ZFAND6: variants seen among roughly 807,000 people sequenced by gnomAD.
ZFAND6 encodes the protein zinc finger AN1-type containing 6.
In ZFAND6, 12 loss-of-function variants were observed where a neutral mutation model predicts 24.5. The ratio of observed to expected loss-of-function variants is 0.49; its 90% CI spans 0.31 to 0.79. The LOEUF (loss-of-function observed/expected upper bound fraction) is 0.79. Ranked by LOEUF, ZFAND6 falls within the 30% of genes least tolerant of loss-of-function variation. The pLI is 0.04. For missense variants in ZFAND6, 207 were observed against 245.9 expected (o/e 0.84, Z 1.06); for synonymous variants, 92 against 81.5 (o/e 1.13, Z -0.69).
At chr15:80,103,811 A>C (rs944198014) in intron 2 of ZFAND6, among the ~76,000 whole-genome samples, 1 of 152,194 alleles carries the variant, frequency 6.6e-6, no homozygotes, top group African/African-American at 2.4e-5. Flanking sequence ...TTTATGAAGG[A>C]TTGCCTAAAT....
intron 2 of ZFAND6, among the ~76,000 whole-genome samples, chr15:80,103,339 A>G (rs2039135582): frequency 6.6e-6 from 1 of 152,210 alleles, no homozygotes; most frequent in Non-Finnish European, 1.5e-5. Flanking sequence ...ACTCTAATAC[A>G]TACCTAATTG....
chr15:80,076,511 T>C (rs1008555550), intron 1 of ZFAND6, among the ~76,000 whole-genome samples: 4 of 152,194 alleles, frequency 2.6e-5, no homozygotes, highest in African/African-American at 9.6e-5. Flanking sequence ...TGCGGTCATA[T>C]CTGTTTTTCT....
chr15:80,120,618 A>G, intron 3 of ZFAND6, 120 bp downstream of exon 3: 1 of 828,964 alleles, frequency 1.2e-6, no homozygotes, highest in Non-Finnish European at 1.6e-6. Flanking sequence ...TCATATCAGT[A>G]AAATTTCTCA....
At chr15:80,062,148 A>C (rs932396661) in intron 1 of ZFAND6, among the ~76,000 whole-genome samples, 4 of 152,150 alleles carry the variant, frequency 2.6e-5, no homozygotes, top group African/African-American at 9.7e-5. Context: ...CCTCCCCTCT[A>C]ATCTCTAGCA....
intron 1 of ZFAND6, among the ~76,000 whole-genome samples, chr15:80,062,521 TTA>T (rs563960861): frequency 9.9e-4 from 151 of 152,320 alleles, no homozygotes; most frequent in African/African-American, 3.5e-3. Context: ...AGGTGTGTTT[TTA>T]TGTGTTTCAT....
intron 1 of ZFAND6, among the ~76,000 whole-genome samples, chr15:80,093,114 C>G (rs2038487972): frequency 6.6e-6 from 1 of 151,716 alleles, no homozygotes; most frequent in Non-Finnish European, 1.5e-5. Context: ...GCTACCATGC[C>G]CAGCTAATTT....
chr15:80,132,812 T>TA (rs2040669290), intron 6 of ZFAND6, among the ~76,000 whole-genome samples: 1 of 152,146 alleles, frequency 6.6e-6, no homozygotes. Context: ...AGTCTGACAT[T>TA]ACAAGAAAAA....
intron 6 of ZFAND6, among the ~76,000 whole-genome samples, chr15:80,131,980 G>T (rs1272899082): frequency 6.6e-6 from 1 of 152,186 alleles, no homozygotes; most frequent in African/African-American, 2.4e-5. Context: ...GGAAATAGGG[G>T]CATTTCAGGC....
rs114347176 is a variant in ZFAND6, at chr15:80,122,132, C to T, written c.263+312C>T. On this transcript the variant is annotated intron_variant, in intron 4 of 6. Transcript: ENST00000261749. ...AGTCTTATTCTGCAAGTATTACTAC[C>T]GTGTATTAAAAAAATACAGTCTTGT... Among the ~76,000 whole-genome samples, 1,068 of 151,898 alleles carry T rather than the reference C, an allele frequency of 7.0e-3. 13 individuals carry two copies. The highest frequency in any genetic ancestry group is 0.024 in the African/African-American group (988 of 41,410).
chr15:80,131,137 C>A, intron 5 of ZFAND6, 43 bp from the exon 6 acceptor site: 3 of 1,469,606 alleles, frequency 2.0e-6, no homozygotes, highest in Non-Finnish European at 2.8e-6. Flanking sequence ...ATAGCAAAAT[C>A]TTACAGAATA....
At chr15:80,113,339 A>C (rs1361406073) in intron 2 of ZFAND6, among the ~76,000 whole-genome samples, 1 of 152,192 alleles carries the variant, frequency 6.6e-6, no homozygotes, top group Non-Finnish European at 1.5e-5. Flanking sequence ...ACATTCCCCA[A>C]TTTTTGAATG....
chr15:80,131,277 G>A lies in ZFAND6; in HGVS notation c.462G>A (p.Lys154=). The change falls in exon 6 of 7, where the codon AAG becomes AAA. Residue 154 remains lysine (K), a synonymous_variant. Transcript: ENST00000261749. ...AGAATCGCTGTTTCATGTGCAGGAA[G>A]AAAGTGGGACTTACTGGTAAGGACC... ...QKKNRCFMCR[K]KVGLTGFECR... 6.2e-7 allele frequency: 1 copy of A among 1,613,150 alleles called. No individual in the cohort carries two copies. Among genetic ancestry groups the A allele is most frequent in the Non-Finnish European group, 8.5e-7 (1 of 1,179,422 alleles).
rs3784761 is a variant in ZFAND6 at position 80,124,871 on chromosome 15, C to A, written c.364+2071C>A. ...AGGGTTAGGTTCCAGTATGTAAAATCTCTTAACAACCTAGTTTTTAAAAAA... is the reference window on the plus strand; with the variant it reads ...AGGGTTAGGTTCCAGTATGTAAAATATCTTAACAACCTAGTTTTTAAAAAA... On this transcript the variant is annotated intron_variant, in intron 5 of 6. Transcript: ENST00000261749. 0.02 allele frequency among the ~76,000 whole-genome samples: 3,111 copies of A among 152,198 alleles called. 227 individuals carry two copies. The East Asian group carries it at 0.22, about 11-fold the overall frequency.
intron 1 of ZFAND6, among the ~76,000 whole-genome samples, chr15:80,069,768 G>T (rs1419096870): frequency 6.6e-6 from 1 of 151,956 alleles, no homozygotes; most frequent in South Asian, 2.1e-4. Context: ...GCCACTGCAC[G>T]AGGCTAATTT....
chr15:80,066,244 A>G (rs1430103403), intron 1 of ZFAND6, among the ~76,000 whole-genome samples: 1 of 151,660 alleles, frequency 6.6e-6, no homozygotes, highest in Non-Finnish European at 1.5e-5. Flanking sequence ...CTCTCTGAGG[A>G]TGTCATGTTT....
At chr15:80,070,074 C>T (rs1487203703) in intron 1 of ZFAND6, among the ~76,000 whole-genome samples, 1 of 152,150 alleles carries the variant, frequency 6.6e-6, no homozygotes, top group African/African-American at 2.4e-5. Context: ...GTAGGAAGAG[C>T]AGTTTGAACT....
At chr15:80,072,042 GTA>G (rs1205124092) in intron 1 of ZFAND6, among the ~76,000 whole-genome samples, 5 of 152,052 alleles carry the variant, frequency 3.3e-5, no homozygotes, top group African/African-American at 1.2e-4. Flanking sequence ...TTTGCATTCA[GTA>G]TTTTAGTGCT....
At chr15:80,135,580 A>T (rs1016585524) in intron 6 of ZFAND6, among the ~76,000 whole-genome samples, 2 of 152,362 alleles carry the variant, frequency 1.3e-5, no homozygotes, top group East Asian at 3.9e-4. Flanking sequence ...CTTTAGGAAG[A>T]TTATTTCTGG....
intron 1 of ZFAND6, among the ~76,000 whole-genome samples, chr15:80,091,292 T>C (rs987352506): frequency 6.6e-5 from 10 of 152,100 alleles, no homozygotes; most frequent in Non-Finnish European, 1.5e-4. Flanking sequence ...AGAGGTGTTA[T>C]TGAGAAGACT....
Sources: gnomAD v4.1 joint callset for allele counts (sites outside exome capture counted in the v4.1 genomes callset) on GRCh38, gnomAD v4.1.1 for gene constraint, MANE v1.5 for transcripts, NCBI Gene and HGNC (gene_info 2026-07-23, HGNC 2026-07-21) for gene names.